LRP1B: variants seen among roughly 807,000 people sequenced by gnomAD.
LRP1B encodes LDL receptor related protein 1B.
Under a neutral mutation model 556.6 loss-of-function variants are expected in LRP1B, and 217 were observed. That is an observed-to-expected ratio of 0.39 (90% confidence interval 0.35 to 0.44). The LOEUF (loss-of-function observed/expected upper bound fraction) is 0.44. Ranked by LOEUF, LRP1B falls within the 20% of genes least tolerant of loss-of-function variation. The probability of loss-of-function intolerance (pLI) is 1.00; values close to 1 mark genes in which losing one functional copy is unlikely to be tolerated. For synonymous variants in LRP1B, 2,047 were observed against 1,865.8 expected (o/e 1.10, Z -2.50); for missense variants, 5,053 against 5,620.8 (o/e 0.90, Z 3.23).
intron 2 of LRP1B, among the ~76,000 whole-genome samples, chr2:141,711,773 G>A (rs1692369142): frequency 1.3e-5 from 2 of 151,996 alleles, no homozygotes; most frequent in South Asian, 2.1e-4. Context: ...TACCCTGATA[G>A]GGACATATGG....
At chr2:140,817,918 A>G (rs890873612) in intron 31 of LRP1B, among the ~76,000 whole-genome samples, 3 of 152,162 alleles carry the variant, frequency 2.0e-5, no homozygotes, top group Admixed American at 1.3e-4. Context: ...TTATCTGGAA[A>G]GTTATTTTAA....
chr2:140,400,877 G>A (rs1202517182), intron 66 of LRP1B, among the ~76,000 whole-genome samples: 1 of 152,146 alleles, frequency 6.6e-6, no homozygotes, highest in African/African-American at 2.4e-5. Flanking sequence ...CCATGTCACA[G>A]GGGAAGGCCT....
intron 60 of LRP1B, among the ~76,000 whole-genome samples, chr2:140,471,496 T>C (rs776514453): frequency 6.6e-6 from 1 of 152,202 alleles, no homozygotes. Context: ...GCTAATTCAA[T>C]AATAATATAA....
intron 1 of LRP1B, among the ~76,000 whole-genome samples, chr2:141,996,145 G>A (rs1340658851): frequency 1.3e-5 from 2 of 151,358 alleles, no homozygotes; most frequent in African/African-American, 4.9e-5. Context: ...CCGAACCCGG[G>A]AGGCAGATGT....
chr2:140,822,350 G>C (rs1182752149), intron 31 of LRP1B, among the ~76,000 whole-genome samples: 1 of 152,182 alleles, frequency 6.6e-6, no homozygotes, highest in Non-Finnish European at 1.5e-5. Context: ...TTGCCTGAAG[G>C]CTGCAATTAC....
chr2:140,496,754 T>C (rs1178486534), intron 55 of LRP1B, among the ~76,000 whole-genome samples: 1 of 152,022 alleles, frequency 6.6e-6, no homozygotes, highest in African/African-American at 2.4e-5. Flanking sequence ...ATGATTATGA[T>C]CACAGACTGA....
intron 2 of LRP1B, among the ~76,000 whole-genome samples, chr2:141,610,126 A>C (rs1365724075): frequency 6.6e-6 from 1 of 152,088 alleles, no homozygotes; most frequent in Non-Finnish European, 1.5e-5. Flanking sequence ...TTGACAATCC[A>C]AAAAAGTAAT....
Position 140,770,934 on chromosome 2 carries a change from G to A in LRP1B, c.5573C>T (p.Thr1858Ile), listed in dbSNP as rs781577902. The A allele has an allele frequency of 3.1e-6, 5 of 1,587,774 alleles. No individual in the cohort carries two copies. The highest frequency in any genetic ancestry group is 4.3e-6 in the Non-Finnish European group (5 of 1,169,642). ...LCLPTSETTR[T>I]CMCTVGYYLQ... The stretch of plus-strand genomic sequence containing the variant: ...ATAATATCCCACTGTACACATACAA[G>A]TCCTTGTAGTTTCAGATGTTGGTAA... Residue 1858 changes from threonine (T) to isoleucine (I), a missense_variant, in exon 34 of 91, where the codon ACT (threonine) becomes ATT (isoleucine). Physicochemically the swap from Thr to Ile is moderately conservative, Grantham distance 89 (BLOSUM62 -1). Around this residue, in one of 5 missense-constraint regions of LRP1B, gnomAD observed 3,619 missense variants for 3,931.9 expected, o/e 0.92. Coordinates refer to ENST00000389484, the MANE Select transcript of LRP1B (RefSeq NM_018557.3).
At chr2:142,014,182 TAATAAAC>T (rs1703044549) in intron 1 of LRP1B, among the ~76,000 whole-genome samples, 7 of 151,970 alleles carry the variant, frequency 4.6e-5, no homozygotes, top group African/African-American at 1.7e-4. Context: ...TTCGCTTTCT[TAATAAAC>T]TTGTTTTCAC....
At chr2:141,117,631 G>A (rs559460000) in intron 7 of LRP1B, among the ~76,000 whole-genome samples, 23 of 152,042 alleles carry the variant, frequency 1.5e-4, no homozygotes, top group African/African-American at 5.1e-4. Flanking sequence ...GCTGATAATT[G>A]GGGTAAATAA....
At chr2:141,482,659 G>A (rs16846183) in intron 2 of LRP1B, among the ~76,000 whole-genome samples, 9,442 of 151,896 alleles carry the variant, frequency 0.062, 378 homozygotes, top group South Asian at 0.17. Flanking sequence ...TAAAAATGAA[G>A]TTTAAAGACA....
At position 140,993,076 on chromosome 2, in the gene LRP1B, C is replaced by G. The variant is rs139813221; in HGVS notation, c.2644+919G>C. On this transcript the variant is annotated intron_variant, in intron 16 of 90. Coordinates refer to ENST00000389484, the MANE Select transcript of LRP1B (RefSeq NM_018557.3). ...AATGGATGCCCAGACTAACTTTGCCCATTCTTAAAAAAGATCTTTAAAACT... is the reference window on the plus strand; with the variant it reads ...AATGGATGCCCAGACTAACTTTGCCGATTCTTAAAAAAGATCTTTAAAACT... 2.7e-3 allele frequency among the ~76,000 whole-genome samples: 414 copies of G among 151,918 alleles called. 1 individual carries two copies. The highest frequency in any genetic ancestry group is 9.6e-3 in the African/African-American group (398 of 41,474).
chr2:140,766,105 G>A (rs1453670157), intron 35 of LRP1B, among the ~76,000 whole-genome samples: 1 of 151,754 alleles, frequency 6.6e-6, no homozygotes, highest in African/African-American at 2.4e-5. Context: ...TTATGGCCCT[G>A]GGGTAAATGT....
intron 2 of LRP1B, among the ~76,000 whole-genome samples, chr2:141,497,728 C>T (rs1683560030): frequency 6.6e-6 from 1 of 151,854 alleles, no homozygotes; most frequent in South Asian, 2.1e-4. Flanking sequence ...CGCAAATCTA[C>T]TGAACAAACT....
chr2:141,105,337 ATTT>A (rs143635013), intron 7 of LRP1B, among the ~76,000 whole-genome samples: 1 of 150,170 alleles, frequency 6.7e-6, no homozygotes. Flanking sequence ...CTTCAATGTA[ATTT>A]TTTTTTTAGT....
At chr2:141,878,964 C>A (rs189598970) in intron 1 of LRP1B, among the ~76,000 whole-genome samples, 1 of 151,796 alleles carries the variant, frequency 6.6e-6, no homozygotes, top group South Asian at 2.1e-4. Context: ...CATTTATAAA[C>A]CTTACTATTT....
chr2:141,549,134 G>A lies in LRP1B; in HGVS notation c.206-68601C>T, dbSNP rs116494314. Among the ~76,000 whole-genome samples, 664 of 152,218 alleles carry A rather than the reference G, an allele frequency of 4.4e-3. 9 individuals are homozygous for A. Among genetic ancestry groups the A allele is most frequent in the African/African-American group, 0.015 (637 of 41,528 alleles). ...AAGACATATAGTAATGTGGTTAAGA[G>A]CACAAATTTTGGAGTTAGACAACAA... On this transcript the variant is annotated intron_variant, in intron 2 of 90. Coordinates refer to ENST00000389484, the MANE Select transcript of LRP1B (RefSeq NM_018557.3).
At chr2:141,641,610 G>A (rs12464970) in intron 2 of LRP1B, among the ~76,000 whole-genome samples, 125,431 of 152,022 alleles carry the variant, frequency 0.83, 51,919 homozygotes, top group East Asian at 0.94. Flanking sequence ...GCAGTTAACT[G>A]TCTTCCAGTG....
At chr2:140,402,191 C>T (rs1257804062) in intron 66 of LRP1B, among the ~76,000 whole-genome samples, 1 of 152,202 alleles carries the variant, frequency 6.6e-6, no homozygotes, top group Non-Finnish European at 1.5e-5. Context: ...CAAGGGAACA[C>T]CCCGTGGGAC....
Sources: gnomAD v4.1 joint callset for allele counts (sites outside exome capture counted in the v4.1 genomes callset) on GRCh38, gnomAD v4.1.1 for gene constraint, gnomAD v4.1.1 regional missense constraint, MANE v1.5 for transcripts, NCBI Gene and HGNC (gene_info 2026-07-23, HGNC 2026-07-21) for gene names.